TXNL4B: variants seen among roughly 807,000 people sequenced by gnomAD.
TXNL4B encodes the protein thioredoxin-like protein 4B.
A neutral mutation model predicts 13.0 loss-of-function variants in TXNL4B; 12 were observed. That is an observed-to-expected ratio of 0.92 (90% CI 0.59 to 1.49). The LOEUF is 1.49. Ranked by LOEUF, TXNL4B falls within the 40% of genes most tolerant of loss-of-function variation. TXNL4B has a pLI of 0.00. For synonymous variants in TXNL4B, 59 were observed against 58.9 expected (o/e 1.00, Z -0.01); for missense variants, 214 against 173.6 (o/e 1.23, Z -1.31).
At position 72,085,510 on chromosome 16, in the gene TXNL4B, G is replaced by A. The variant is rs535135299; in HGVS notation, c.*1127C>T. 3 of 152,732 alleles carry A rather than the reference G, an allele frequency of 2.0e-5. No homozygotes were observed. The highest frequency in any genetic ancestry group is 6.5e-5 in the Admixed American group (1 of 15,316). 9.5% of individuals were successfully genotyped at this position (152,732 alleles called of 1,614,324 possible). On this transcript the variant is annotated 3_prime_UTR_variant, in exon 4 of 4. Coordinates refer to ENST00000268483, the MANE Select transcript of TXNL4B (RefSeq NM_017853.3). ...TATTAAAACAGGCAAATCCCATATAGGTGACATTTCTATCCAACAATGCTG... is the reference window on the plus strand; with the variant it reads ...TATTAAAACAGGCAAATCCCATATAAGTGACATTTCTATCCAACAATGCTG...
rs1427931638 is a variant in TXNL4B at position 72,089,005 on chromosome 16, T to C, written c.266A>G (p.His89Arg). 1.2e-6 allele frequency: 2 copies of C among 1,610,760 alleles called. No individual in the cohort carries two copies. The highest frequency in any genetic ancestry group is 1.1e-5 in the South Asian group (1 of 90,758). Residue 89 changes from histidine to arginine, a missense_variant, in exon 3 of 4, where the codon CAT becomes CGT. Physicochemically the swap from His to Arg is conservative, Grantham distance 29. Transcript: ENST00000268483. ...PSTVFFFNGQ[H>R]MKVDYGSPDH... ...CACTTACCCATAATCCACTTTCATATGCTGCCCATTGAAGAAAAAGACAGT... is the reference window on the plus strand; with the variant it reads ...CACTTACCCATAATCCACTTTCATACGCTGCCCATTGAAGAAAAAGACAGT...
intron 2 of TXNL4B, among the ~76,000 whole-genome samples, chr16:72,089,874 G>C (rs1272523133): frequency 2.0e-5 from 3 of 152,192 alleles, no homozygotes; most frequent in Middle Eastern, 6.4e-3. Flanking sequence ...GCACAGGAAG[G>C]TAAAGTAATT....
chr16:72,091,267 C>T (rs2041900389), intron 1 of TXNL4B, among the ~76,000 whole-genome samples: 1 of 145,350 alleles, frequency 6.9e-6, no homozygotes, highest in Non-Finnish European at 1.5e-5. Flanking sequence ...GAGGAAGAAG[C>T]CACGGTAGGA....
At chr16:72,094,332 A>G (rs572672503), upstream of TXNL4B, 6 of 152,344 alleles carry the variant, frequency 3.9e-5, no homozygotes, top group South Asian at 1.2e-3. Flanking sequence ...CCTCCGCTTT[A>G]ACCCACCCCA....
At chr16:72,092,872 C>T (rs971165908) in intron 1 of TXNL4B, among the ~76,000 whole-genome samples, 7 of 152,230 alleles carry the variant, frequency 4.6e-5, no homozygotes, top group Admixed American at 1.3e-4. Flanking sequence ...TACAAAGTCA[C>T]TGAATTGGCA....
Position 72,086,632 on chromosome 16 carries a change from A to T in TXNL4B, c.*5T>A. The T allele has an allele frequency of 2.5e-6, 4 of 1,608,252 alleles. No homozygotes were observed. The highest frequency in any genetic ancestry group is 3.4e-6 in the Non-Finnish European group (4 of 1,175,314). ...TCTTCTTCATCTTTGACAGCAATTA[A>T]TGTACTAAATGTCTTGATAGAGAAG... On this transcript the variant is annotated 3_prime_UTR_variant, in exon 4 of 4. Transcript: ENST00000268483.
chr16:72,088,836 T>G (rs999326353), intron 3 of TXNL4B, 151 bp downstream of exon 3: 40 of 526,756 alleles, frequency 7.6e-5, no homozygotes, highest in Admixed American at 2.2e-4. Flanking sequence ...AGCAAGGTTT[T>G]GCATAAAAAA....
intron 3 of TXNL4B, among the ~76,000 whole-genome samples, chr16:72,088,023 G>T (rs1472052253): frequency 6.6e-6 from 1 of 152,194 alleles, no homozygotes; most frequent in South Asian, 2.1e-4. Flanking sequence ...GTTTCACTGT[G>T]TTAGCCAGGA....
chr16:72,092,419 CA>C (rs34306814), intron 1 of TXNL4B, among the ~76,000 whole-genome samples: 172 of 135,234 alleles, frequency 1.3e-3, no homozygotes, highest in East Asian at 6.4e-3. Context: ...GCTCCGTCTC[CA>C]AAAAAAAAAA....
At chr16:72,089,894 T>C (rs761501162) in intron 2 of TXNL4B, among the ~76,000 whole-genome samples, 1 of 152,204 alleles carries the variant, frequency 6.6e-6, no homozygotes, top group African/African-American at 2.4e-5. Flanking sequence ...TTGCCCCAGG[T>C]CACACAGCTC....
At chr16:72,094,019 G>A (rs982255814), upstream of TXNL4B, 9 of 152,534 alleles carry the variant, frequency 5.9e-5, no homozygotes, top group Admixed American at 5.2e-4. Flanking sequence ...CAGAATCCGG[G>A]ACAGAAGGGT....
At position 72,090,797 on chromosome 16, in the gene TXNL4B, G is replaced by C. The variant is rs961330289; in HGVS notation, c.-37-11C>G. On this transcript the variant is annotated splice_polypyrimidine_tract_variant and intron_variant, in intron 1 of 3. Transcript: ENST00000268483. The stretch of plus-strand genomic sequence containing the variant: ...TCCTCACTGTCACTCCTGAAATAAA[G>C]GTGCAATGTTTAAAGACAGTTTAGA... 6.2e-7 allele frequency: 1 copy of C among 1,610,504 alleles called. No homozygotes were observed. The highest frequency in any genetic ancestry group is 2.2e-5 in the East Asian group (1 of 44,796).
At chr16:72,090,152 A>C (rs755023940) in intron 2 of TXNL4B, 1 of 456,158 alleles carries the variant, frequency 2.2e-6, no homozygotes, top group South Asian at 1.5e-5. Context: ...CTCTCTCTGC[A>C]TCAGGCACAT....
At chr16:72,092,414 G>A (rs1029096207) in intron 1 of TXNL4B, among the ~76,000 whole-genome samples, 2 of 126,990 alleles carry the variant, frequency 1.6e-5, no homozygotes, top group African/African-American at 6.8e-5. Flanking sequence ...GCGAAGCTCC[G>A]TCTCCAAAAA....
intron 1 of TXNL4B, 147 bp from the exon 2 acceptor site, chr16:72,090,933 T>C: frequency 1.5e-6 from 1 of 662,836 alleles, no homozygotes; most frequent in South Asian, 2.2e-5. Context: ...TTCCCTCTCT[T>C]TGTCCCTGCT....
rs1415548574 is a variant in TXNL4B at position 72,086,397 on chromosome 16, G to A, written c.*240C>T. On this transcript the variant is annotated 3_prime_UTR_variant, in exon 4 of 4. Transcript: ENST00000268483. ...GAGAAGTTACAAAAATCACTGTGGG[G>A]AAAATGAACACCAATGACTTGGCTG... 3 of 369,744 alleles carry A rather than the reference G, an allele frequency of 8.1e-6. No homozygotes were observed. The allele number at this position is 369,744 out of a possible 1,614,324, so 22.9% of individuals were successfully genotyped here. A position where few individuals can be genotyped will look rare whatever the true frequency, so the allele number is the denominator to read the frequency against.
intron 2 of TXNL4B, chr16:72,090,005 T>A: frequency 2.3e-6 from 1 of 440,360 alleles, no homozygotes; most frequent in Non-Finnish European, 4.6e-6. Flanking sequence ...GAGGGTAGAA[T>A]CCTCTGGTCC....
At chr16:72,090,275 GT>G (rs991311344) in intron 2 of TXNL4B, 359 of 385,202 alleles carry the variant, frequency 9.3e-4, no homozygotes, top group Admixed American at 1.7e-3. Flanking sequence ...GACCTCTCTG[GT>G]TTTTTTTTTC....
chr16:72,090,696 T>C lies in TXNL4B; in HGVS notation c.54A>G (p.Ile18Met). 1 of 1,614,230 alleles carries C rather than the reference T, an allele frequency of 6.2e-7. No individual in the cohort carries two copies. Among genetic ancestry groups the C allele is most frequent in the African/African-American group, 1.3e-5 (1 of 75,068 alleles). Residue 18 changes from isoleucine to methionine, a missense_variant, in exon 2 of 4, where the codon ATA becomes ATG. By Grantham distance (10) the Ile-to-Met change is conservative (BLOSUM62 1). Transcript: ENST00000268483. Reference protein sequence around the residue: ...LTSKKEVDQAIKSTAEKVLVL... With the variant: ...LTSKKEVDQAMKSTAEKVLVL... ...CCAACACCTTCTCAGCAGTACTTTTTATCGCCTGGTCTACTTCCTTTTTGC... is the reference window on the plus strand; with the variant it reads ...CCAACACCTTCTCAGCAGTACTTTTCATCGCCTGGTCTACTTCCTTTTTGC...
Sources: gnomAD v4.1 joint callset for allele counts (sites outside exome capture counted in the v4.1 genomes callset) on GRCh38, gnomAD v4.1.1 for gene constraint, MANE v1.5 for transcripts, NCBI Gene and HGNC (gene_info 2026-07-23, HGNC 2026-07-21) for gene names.